CALN1: variants seen among roughly 807,000 people sequenced by gnomAD.
CALN1 encodes calcium-binding protein 8.
Under a neutral mutation model 30.6 loss-of-function variants are expected in CALN1, and 17 were observed. The ratio of observed to expected loss-of-function variants is 0.56; its 90% CI spans 0.38 to 0.83. CALN1 has a LOEUF of 0.83. CALN1 is among the 40% of genes least tolerant of loss of function. The pLI, the probability that CALN1 is intolerant of heterozygous loss-of-function variation, is 0.00. For missense variants in CALN1, 291 were observed against 354.9 expected (o/e 0.82, Z 1.45); for synonymous variants, 156 against 131.4 (o/e 1.19, Z -1.28).
chr7:72,188,963 A>G (rs915304908), intron 3 of CALN1, among the ~76,000 whole-genome samples: 1 of 152,142 alleles, frequency 6.6e-6, no homozygotes, highest in Non-Finnish European at 1.5e-5. Flanking sequence ...AGAGGGACTA[A>G]GCCTTCCTCC....
At chr7:72,063,408 G>A (rs746005443) in intron 4 of CALN1, among the ~76,000 whole-genome samples, 2 of 152,132 alleles carry the variant, frequency 1.3e-5, no homozygotes, top group African/African-American at 2.4e-5. Context: ...TCTTAAAAGG[G>A]GACAGCCCTG....
chr7:71,979,869 C>CTTTTT (rs555621436), intron 5 of CALN1, among the ~76,000 whole-genome samples: 7 of 89,682 alleles, frequency 7.8e-5, no homozygotes, highest in Admixed American at 1.3e-4. Context: ...CATCAGGATT[C>CTTTTT]TTTTTTTTTT....
chr7:72,481,920 A>G, the CALN1 span, among the ~76,000 whole-genome samples: 1 of 152,190 alleles, frequency 6.6e-6, no homozygotes, highest in Non-Finnish European at 1.5e-5. Context: ...AGTGTTTTTC[A>G]CATCTTTATG....
intron 5 of CALN1, among the ~76,000 whole-genome samples, chr7:71,957,591 A>G (rs1045200943): frequency 2.6e-5 from 4 of 152,198 alleles, no homozygotes; most frequent in Non-Finnish European, 5.9e-5. Flanking sequence ...AAATCTCTTA[A>G]GTAACTTCAG....
At chr7:72,045,164 C>T (rs1340358588) in intron 4 of CALN1, among the ~76,000 whole-genome samples, 2 of 152,170 alleles carry the variant, frequency 1.3e-5, no homozygotes, top group African/African-American at 4.8e-5. Context: ...ACCATGGCTC[C>T]AGTGAAGCGG....
intron 3 of CALN1, among the ~76,000 whole-genome samples, chr7:72,217,832 ATTTTTTT>A (rs35736777): frequency 7.4e-5 from 5 of 67,298 alleles, no homozygotes; most frequent in African/African-American, 1.9e-4. Flanking sequence ...AATTAAATAA[ATTTTTTT>A]TTTTTTTTTT....
intron 4 of CALN1, among the ~76,000 whole-genome samples, chr7:72,028,720 AGTGGCTCATGCTGTAATCCCAACACT>A: frequency 6.6e-6 from 1 of 152,200 alleles, no homozygotes; most frequent in Non-Finnish European, 1.5e-5. Flanking sequence ...GGCCAGGCGC[AGTGGCTCATGCTGTAATCCCAACACT>A]TTGGGAGGCC....
At position 71,893,614 on chromosome 7, in the gene CALN1, C is replaced by T. The variant is rs1793375988; in HGVS notation, c.502-83122G>A. ...GCTGAGGATGGAGATTCACTTGAAC[C>T]TGAGAGGTAGAGATTGCAGTGAGCC... is the stretch of plus-strand genomic sequence containing the variant. On this transcript the variant is annotated intron_variant, in intron 5 of 6. Transcript: ENST00000395275. 2.6e-5 allele frequency among the ~76,000 whole-genome samples: 4 copies of T among 151,764 alleles called. 1 individual carries two copies. In the South Asian group the frequency reaches 8.3e-4, roughly 32 times the overall value.
chr7:72,410,032 A>G (rs113082822), intron 1 of CALN1, among the ~76,000 whole-genome samples: 4 of 152,114 alleles, frequency 2.6e-5, no homozygotes, highest in South Asian at 2.1e-4. Flanking sequence ...ATAACTGAAC[A>G]TAATTCTTTC....
chr7:72,018,336 T>C (rs844795), intron 5 of CALN1, among the ~76,000 whole-genome samples: 44,108 of 151,924 alleles, frequency 0.29, 10,180 homozygotes, highest in African/African-American at 0.64. Context: ...CCCCCAGTCC[T>C]GAGTCTCAGC....
chr7:71,819,271 C>T (rs897594692), intron 5 of CALN1, among the ~76,000 whole-genome samples: 2 of 149,304 alleles, frequency 1.3e-5, no homozygotes, highest in East Asian at 2.0e-4. Flanking sequence ...TGCAGTGGTG[C>T]GATCTTGGCT....
At chr7:72,468,643 T>G in the CALN1 span, among the ~76,000 whole-genome samples, 1 of 152,174 alleles carries the variant, frequency 6.6e-6, no homozygotes, top group South Asian at 2.1e-4. Flanking sequence ...CACAACCAAC[T>G]GTTTTCCACA....
At chr7:72,194,547 G>GAAACAA (rs1790848644) in intron 3 of CALN1, among the ~76,000 whole-genome samples, 1 of 147,724 alleles carries the variant, frequency 6.8e-6, no homozygotes, top group Non-Finnish European at 1.5e-5. Context: ...AACAAAAACA[G>GAAACAA]AAACAGAAAC....
intron 4 of CALN1, among the ~76,000 whole-genome samples, chr7:72,100,223 A>C (rs1317795224): frequency 6.6e-6 from 1 of 151,842 alleles, no homozygotes; most frequent in Non-Finnish European, 1.5e-5. Flanking sequence ...CAGTGGTACA[A>C]TCATAGCTTA....
intron 4 of CALN1, among the ~76,000 whole-genome samples, chr7:72,034,354 A>C (rs1801650307): frequency 2.2e-5 from 1 of 45,412 alleles, no homozygotes; most frequent in Admixed American, 2.0e-4. Context: ...ACTCTGTCTC[A>C]AAAAAAAAAA....
chr7:72,437,073 C>CA (rs5884890), intron 1 of CALN1, among the ~76,000 whole-genome samples: 173 of 138,548 alleles, frequency 1.2e-3, no homozygotes, highest in Middle Eastern at 3.8e-3. Flanking sequence ...GACCCTGTCT[C>CA]AAAAAAAAAA....
chr7:71,995,778 C>T (rs1268727628), intron 5 of CALN1, among the ~76,000 whole-genome samples: 1 of 151,964 alleles, frequency 6.6e-6, no homozygotes, highest in East Asian at 2.0e-4. Flanking sequence ...CCAAAACAAA[C>T]AGCCTGATCC....
chr7:71,832,062 G>A lies in CALN1; in HGVS notation c.502-21570C>T, dbSNP rs151083473. Among the ~76,000 whole-genome samples, 260 of 152,164 alleles carry A rather than the reference G, an allele frequency of 1.7e-3. 1 individual carries two copies. The highest frequency in any genetic ancestry group is 6.0e-3 in the African/African-American group (250 of 41,522). On this transcript the variant is annotated intron_variant, in intron 5 of 6. Coordinates refer to ENST00000395275, the MANE Select transcript of CALN1 (RefSeq NM_031468.4). Reference sequence around the variant, plus strand: ...CAGAATGTCCATCTCTGCTCCAGGTGGGAGGCTGATGTTGTCCAATTCATA... The same window carrying A: ...CAGAATGTCCATCTCTGCTCCAGGTAGGAGGCTGATGTTGTCCAATTCATA...
intron 2 of CALN1, among the ~76,000 whole-genome samples, chr7:72,338,489 G>GTGTGTGTGTC (rs1562903798): frequency 1.5e-5 from 2 of 135,222 alleles, no homozygotes; most frequent in East Asian, 4.2e-4. Flanking sequence ...GTGTGTGTGT[G>GTGTGTGTGTC]TGTGTGTGTG....
Sources: gnomAD v4.1 joint callset for allele counts (sites outside exome capture counted in the v4.1 genomes callset) on GRCh38, gnomAD v4.1.1 for gene constraint, MANE v1.5 for transcripts, NCBI Gene and HGNC (gene_info 2026-07-23, HGNC 2026-07-21) for gene names.